The following KHDC1 variants were observed in gnomAD, a reference collection of about 807,000 sequenced individuals.
The protein encoded by KHDC1 is KH domain containing 1, also known as KH homology domain-containing protein 1.
A neutral mutation model predicts 24.7 loss-of-function variants in KHDC1; 21 were observed. The observed-to-expected ratio is 0.85, with a 90% CI of 0.60 to 1.23. KHDC1 has a LOEUF of 1.23. Among genes scored for constraint, KHDC1 ranks in the 50% most tolerant of loss-of-function variants. The pLI is 0.00. For synonymous variants in KHDC1, 98 were observed against 111.7 expected (o/e 0.88, Z 0.77); for missense variants, 274 against 298.5 (o/e 0.92, Z 0.61).
At chr6:73,271,228 G>A (rs940355126) in intron 2 of KHDC1, among the ~76,000 whole-genome samples, 1 of 151,032 alleles carries the variant, frequency 6.6e-6, no homozygotes, top group Non-Finnish European at 1.5e-5. Flanking sequence ...TGTTGGGGGG[G>A]ACAGAATCTC....
chr6:73,274,112 A>AG (rs1400450255), intron 2 of KHDC1: 1 of 152,238 alleles, frequency 6.6e-6, no homozygotes, highest in Non-Finnish European at 1.5e-5. Context: ...CTCTAAAAAA[A>AG]CAAAATGACA....
At chr6:73,298,423 A>ATTTTTTTTTTTTTT (rs370446904) in intron 1 of KHDC1, among the ~76,000 whole-genome samples, 8 of 59,976 alleles carry the variant, frequency 1.3e-4, no homozygotes, top group African/African-American at 6.0e-4. Context: ...TACTTTGCAA[A>ATTTTTTTTTTTTTT]TTTTTTTTTT....
chr6:73,283,641 CTTT>C (rs35786607), intron 2 of KHDC1, among the ~76,000 whole-genome samples: 8 of 134,084 alleles, frequency 6.0e-5, no homozygotes, highest in African/African-American at 5.5e-5. Context: ...GGTTTTCATT[CTTT>C]TTTTTTTTTT....
At chr6:73,264,955 C>G (rs965055260) in intron 2 of KHDC1, among the ~76,000 whole-genome samples, 5 of 152,158 alleles carry the variant, frequency 3.3e-5, no homozygotes, top group African/African-American at 1.2e-4. Flanking sequence ...CTCTTAGAGG[C>G]AGAATCATCT....
intron 1 of KHDC1, chr6:73,293,121 T>C: frequency 1.2e-6 from 1 of 848,356 alleles, no homozygotes; most frequent in South Asian, 1.3e-5. Context: ...GTGGTTATGG[T>C]AACAATGTAC....
intron 2 of KHDC1, among the ~76,000 whole-genome samples, chr6:73,288,358 C>T (rs1045179247): frequency 5.3e-5 from 8 of 152,320 alleles, no homozygotes; most frequent in African/African-American, 1.2e-4. Flanking sequence ...CGGTGGTTCA[C>T]GCTTGTAATC....
chr6:73,308,710 G>A (rs1768020534), intron 1 of KHDC1, among the ~76,000 whole-genome samples: 1 of 151,870 alleles, frequency 6.6e-6, no homozygotes, highest in African/African-American at 2.4e-5. Context: ...ATATTGCCCA[G>A]GCTGTGACTT....
intron 4 of KHDC1, 57 bp downstream of exon 3, chr6:73,241,998 A>G: frequency 6.5e-7 from 1 of 1,543,108 alleles, no homozygotes; most frequent in East Asian, 2.3e-5. Context: ...ATGCTACACA[A>G]CTTAGCCAGA....
intron 1 of KHDC1, among the ~76,000 whole-genome samples, chr6:73,302,155 G>A (rs948810480): frequency 6.6e-6 from 1 of 152,064 alleles, no homozygotes; most frequent in Non-Finnish European, 1.5e-5. Flanking sequence ...TGGACATGGT[G>A]GCACACACCT....
intron 1 of KHDC1, chr6:73,293,063 AT>A: frequency 9.8e-7 from 1 of 1,018,232 alleles, no homozygotes; most frequent in Non-Finnish European, 1.5e-6. Context: ...TGTAAATGTG[AT>A]TAGAAATGCA....
intron 2 of KHDC1, among the ~76,000 whole-genome samples, chr6:73,247,055 G>C (rs141317512): frequency 1.2e-4 from 18 of 151,402 alleles, no homozygotes; most frequent in African/African-American, 4.1e-4. Flanking sequence ...TCGGCTCACT[G>C]TACCCTCTGC....
chr6:73,250,640 T>G (rs552274347), intron 2 of KHDC1, among the ~76,000 whole-genome samples: 4 of 152,366 alleles, frequency 2.6e-5, no homozygotes, highest in South Asian at 2.1e-4. Context: ...GCTGTTCAAA[T>G]CATGCTACAT....
chr6:73,307,892 TTTG>T (rs1209581543), intron 1 of KHDC1, among the ~76,000 whole-genome samples: 2 of 151,308 alleles, frequency 1.3e-5, no homozygotes, highest in African/African-American at 2.4e-5. Flanking sequence ...GGCGACAGAG[TTTG>T]TTGTTGTTGT....
chr6:73,296,531 A>C (rs1478525135), intron 1 of KHDC1, among the ~76,000 whole-genome samples: 1 of 152,184 alleles, frequency 6.6e-6, no homozygotes, highest in Admixed American at 6.5e-5. Context: ...AATGAGATGA[A>C]TATCACAACT....
intron 2 of KHDC1, among the ~76,000 whole-genome samples, chr6:73,285,334 CTTT>C (rs750881240): frequency 7.0e-6 from 1 of 142,012 alleles, no homozygotes; most frequent in Non-Finnish European, 1.5e-5. Flanking sequence ...CATGACTCTT[CTTT>C]TTTTTTTTTT....
At chr6:73,292,598 T>C (rs1767677029) in intron 1 of KHDC1, 1 of 762,778 alleles carries the variant, frequency 1.3e-6, no homozygotes, top group African/African-American at 1.7e-5. Flanking sequence ...GCAGAGAGCA[T>C]GGCTCGTTCA....
At position 73,241,819 on chromosome 6, in the gene KHDC1, G is replaced by A; in HGVS notation, c.515-91C>T. On this transcript the variant is annotated intron_variant, in intron 4 of 4. Coordinates refer to ENST00000370384, the Ensembl canonical transcript of KHDC1. ...ACTCCATCAGGGAGGCTGCAGGGAG[G>A]ATGTCACCCCAGCCCAGACCTTCCA... The A allele has an allele frequency of 2.1e-6, 3 of 1,402,396 alleles. No homozygotes were observed. The South Asian group carries it at 3.7e-5, about 17-fold the overall frequency. 86.9% of individuals were successfully genotyped at this position (1,402,396 alleles called of 1,614,324 possible).
At chr6:73,308,236 G>A (rs1347845639) in intron 1 of KHDC1, among the ~76,000 whole-genome samples, 1 of 151,442 alleles carries the variant, frequency 6.6e-6, no homozygotes, top group Non-Finnish European at 1.5e-5. Flanking sequence ...CACCACGCCC[G>A]GCTAATTTTT....
chr6:73,262,377 CT>C (rs1418273790), intron 2 of KHDC1, among the ~76,000 whole-genome samples: 1 of 152,246 alleles, frequency 6.6e-6, no homozygotes, highest in Non-Finnish European at 1.5e-5. Flanking sequence ...AGCATTCCTT[CT>C]TTTTTTCTTA....
Sources: gnomAD v4.1 joint callset for allele counts (sites outside exome capture counted in the v4.1 genomes callset) on GRCh38, gnomAD v4.1.1 for gene constraint, MANE v1.5 for transcripts, NCBI Gene and HGNC (gene_info 2026-07-23, HGNC 2026-07-21) for gene names.